The following ZNF385D variants were observed in gnomAD, a reference collection of about 807,000 sequenced individuals.
ZNF385D encodes zinc finger protein 659.
A neutral mutation model predicts 35.8 loss-of-function variants in ZNF385D; 15 were observed. The observed-to-expected ratio is 0.42, with a 90% confidence interval of 0.28 to 0.64. ZNF385D has a LOEUF of 0.64. Among genes scored for constraint, ZNF385D ranks in the 30% least tolerant of loss-of-function variants. ZNF385D has a pLI of 0.23. For missense variants in ZNF385D, 474 were observed against 494.6 expected, an observed-to-expected ratio of 0.96 and a Z score of 0.39; for synonymous variants, 212 against 186.8, an observed-to-expected ratio of 1.13 and a Z score of -1.10.
intron 3 of ZNF385D, among the ~76,000 whole-genome samples, chr3:21,532,297 T>C (rs1014197936): frequency 3.3e-5 from 5 of 152,196 alleles, no homozygotes; most frequent in African/African-American, 1.2e-4. Flanking sequence ...TTTGGACTTC[T>C]TCATTGTTAC....
chr3:21,973,454 C>A (rs1703394390), intron 3 of ZNF385D, among the ~76,000 whole-genome samples: 1 of 151,952 alleles, frequency 6.6e-6, no homozygotes, highest in African/African-American at 2.4e-5. Flanking sequence ...AGACTCACCG[C>A]TAGTATCATA....
intron 6 of ZNF385D, 61 bp downstream of exon 6, chr3:21,425,431 C>G: frequency 6.9e-7 from 1 of 1,452,502 alleles, no homozygotes. Context: ...AGGAAGCACA[C>G]ACATCCTGCT....
chr3:22,265,140 A>T (rs962372546), intron 2 of ZNF385D, among the ~76,000 whole-genome samples: 1 of 152,026 alleles, frequency 6.6e-6, no homozygotes, highest in Non-Finnish European at 1.5e-5. Flanking sequence ...CTAGTGAAGA[A>T]AACAAGCATT....
intron 3 of ZNF385D, among the ~76,000 whole-genome samples, chr3:21,913,254 C>T (rs1263786976): frequency 6.6e-6 from 1 of 152,072 alleles, no homozygotes; most frequent in Non-Finnish European, 1.5e-5. Flanking sequence ...TGCTGCAATG[C>T]GTGTTAACTA....
intron 3 of ZNF385D, among the ~76,000 whole-genome samples, chr3:22,162,443 G>GAA (rs200969771): frequency 1.3e-5 from 2 of 151,858 alleles, no homozygotes; most frequent in African/African-American, 4.8e-5. Flanking sequence ...TTAACTCAAA[G>GAA]AAAAAAAGAG....
intron 4 of ZNF385D, among the ~76,000 whole-genome samples, chr3:21,499,338 T>A (rs1706187795): frequency 6.6e-6 from 1 of 151,966 alleles, no homozygotes; most frequent in Admixed American, 6.6e-5. Flanking sequence ...GCAATGTGGA[T>A]GGAGGCGGGG....
intron 2 of ZNF385D, among the ~76,000 whole-genome samples, chr3:22,215,639 G>A (rs1043010839): frequency 2.0e-5 from 3 of 151,966 alleles, no homozygotes; most frequent in African/African-American, 4.8e-5. Context: ...AACTTCATTA[G>A]CAATTTTAAT....
chr3:21,628,166 A>T (rs1326937411), intron 2 of ZNF385D, among the ~76,000 whole-genome samples: 1 of 152,084 alleles, frequency 6.6e-6, no homozygotes, highest in Non-Finnish European at 1.5e-5. Flanking sequence ...GGTGACACAT[A>T]TAGGAAACCT....
At chr3:21,450,894 T>G (rs1702416602) in intron 4 of ZNF385D, among the ~76,000 whole-genome samples, 1 of 152,194 alleles carries the variant, frequency 6.6e-6, no homozygotes, top group Non-Finnish European at 1.5e-5. Context: ...GTTTCCTTTC[T>G]GGCTGACTTG....
At chr3:22,014,622 T>C (rs764982034) in intron 3 of ZNF385D, among the ~76,000 whole-genome samples, 5 of 152,028 alleles carry the variant, frequency 3.3e-5, no homozygotes, top group Non-Finnish European at 7.4e-5. Flanking sequence ...TCAGAAAAAT[T>C]ACCACCATGA....
At chr3:21,752,990 C>G (rs2070174918), upstream of ZNF385D, among the ~76,000 whole-genome samples, 1 of 152,052 alleles carries the variant, frequency 6.6e-6, no homozygotes, top group Non-Finnish European at 1.5e-5. Context: ...GCTTTGGGTC[C>G]ATTTGAGTTC....
At chr3:21,714,243 ACT>A (rs2068226777) in intron 1 of ZNF385D, among the ~76,000 whole-genome samples, 1 of 152,154 alleles carries the variant, frequency 6.6e-6, no homozygotes, top group Non-Finnish European at 1.5e-5. Context: ...CAGTAAACAA[ACT>A]ACCTTTCCTG....
intron 3 of ZNF385D, among the ~76,000 whole-genome samples, chr3:22,029,423 G>T (rs1250223496): frequency 2.0e-5 from 3 of 152,180 alleles, no homozygotes; most frequent in Admixed American, 6.5e-5. Flanking sequence ...AGGAATGAAG[G>T]TTTGGTTTAC....
chr3:22,298,348 G>A (rs547909639), intron 2 of ZNF385D, among the ~76,000 whole-genome samples: 2 of 138,264 alleles, frequency 1.4e-5, no homozygotes, highest in South Asian at 2.6e-4. Context: ...AACAGCAAAG[G>A]AGGAGAAGAG....
chr3:22,029,997 G>A (rs1697832956), intron 3 of ZNF385D, among the ~76,000 whole-genome samples: 1 of 151,744 alleles, frequency 6.6e-6, no homozygotes, highest in South Asian at 2.1e-4. Flanking sequence ...GGGGAAGGCA[G>A]ACCCACCCTT....
rs1319789679 is a variant in ZNF385D, at chr3:21,766,416, T to C, written c.326-101388A>G. On this transcript the variant is annotated intron_variant, in intron 3 of 5. Coordinates refer to the ZNF385D transcript ENST00000494108. ...CTTATTGATGTGATAGAACCTGAAA[T>C]GATGACTTTGGTTCATGTATTAAAG... is the stretch of plus-strand genomic sequence containing the variant. 3.3e-5 allele frequency among the ~76,000 whole-genome samples: 5 copies of C among 152,140 alleles called. No individual in the cohort carries two copies. The South Asian group carries it at 8.3e-4, about 25-fold the overall frequency.
chr3:21,873,826 T>G (rs1220896698), intron 3 of ZNF385D, among the ~76,000 whole-genome samples: 1 of 152,250 alleles, frequency 6.6e-6, no homozygotes, highest in African/African-American at 2.4e-5. Context: ...TTCTTTTGAA[T>G]GGCCAAATAA....
At chr3:21,814,563 A>G (rs1281163153) in intron 3 of ZNF385D, among the ~76,000 whole-genome samples, 1 of 152,226 alleles carries the variant, frequency 6.6e-6, no homozygotes, top group African/African-American at 2.4e-5. Flanking sequence ...CTTTAAACCA[A>G]CAAAGATCAA....
chr3:22,008,868 T>G (rs752145376), intron 3 of ZNF385D, among the ~76,000 whole-genome samples: 2 of 152,206 alleles, frequency 1.3e-5, no homozygotes, highest in African/African-American at 4.8e-5. Context: ...ATTGTAAATG[T>G]TGCTTTTAGG....
Sources: gnomAD v4.1 joint callset for allele counts (sites outside exome capture counted in the v4.1 genomes callset) on GRCh38, gnomAD v4.1.1 for gene constraint, MANE v1.5 for transcripts, NCBI Gene and HGNC (gene_info 2026-07-23, HGNC 2026-07-21) for gene names.